The following ARMH3 variants were observed in gnomAD, a reference collection of about 807,000 sequenced individuals.
ARMH3 encodes armadillo like helical domain containing 3.
Under a neutral mutation model 99.1 loss-of-function variants are expected in ARMH3, and 60 were observed. The ratio of observed to expected loss-of-function variants is 0.61; its 90% confidence interval spans 0.49 to 0.75. The LOEUF (loss-of-function observed/expected upper bound fraction) is 0.75, where lower values mean the gene tolerates loss of function less well. ARMH3 is among the 30% of genes least tolerant of loss of function. ARMH3 has a pLI of 0.00. For synonymous variants in ARMH3, 285 were observed against 292.8 expected, an observed-to-expected ratio of 0.97 and a Z score of 0.27; for missense variants, 679 against 843.1, an observed-to-expected ratio of 0.81 and a Z score of 2.41.
At chr10:101,886,679 T>C (rs1047125323) in intron 24 of ARMH3, among the ~76,000 whole-genome samples, 1 of 152,118 alleles carries the variant, frequency 6.6e-6, no homozygotes, top group African/African-American at 2.4e-5. Context: ...TTGTTTAATA[T>C]GCAATAATGG....
At chr10:102,034,666 T>C (rs538383304) in intron 2 of ARMH3, among the ~76,000 whole-genome samples, 1 of 149,056 alleles carries the variant, frequency 6.7e-6, no homozygotes, top group Non-Finnish European at 1.5e-5. Flanking sequence ...AGAGAAGCCC[T>C]ACTTTAAAGA....
Position 101,957,693 on chromosome 10 carries a change from G to C in ARMH3, c.1535C>G (p.Thr512Ser), listed in dbSNP as rs979486590. ...AATGTTGTGTTTGGCCAAAAGTACAGTCTCATTTGACATAAGGAACTTCAG... is the reference window on the plus strand; with the variant it reads ...AATGTTGTGTTTGGCCAAAAGTACACTCTCATTTGACATAAGGAACTTCAG... Reference protein sequence around the residue: ...NLLKFLMSNETVLLAKHNIFT... With the variant: ...NLLKFLMSNESVLLAKHNIFT... The change falls in exon 21 of 26, where the codon ACT (threonine) becomes AGT (serine). Residue 512 changes from threonine to serine, a missense_variant. By Grantham distance (58) the Thr-to-Ser change is moderately conservative (BLOSUM62 1). This residue lies in a region of ARMH3 where 389 missense variants were observed against 456.5 expected (regional missense o/e 0.85). Transcript: ENST00000370033. 6 of 1,604,694 alleles carry C rather than the reference G, an allele frequency of 3.7e-6. No homozygotes were observed. The African/African-American group carries it at 8.2e-5, about 22-fold the overall frequency.
intron 4 of ARMH3, among the ~76,000 whole-genome samples, chr10:102,030,342 G>T (rs551487780): frequency 3.3e-4 from 50 of 152,264 alleles, no homozygotes; most frequent in African/African-American, 1.2e-3. Flanking sequence ...AAGCAGACTG[G>T]GAGGTGATAT....
intron 23 of ARMH3, among the ~76,000 whole-genome samples, chr10:101,915,120 T>C (rs969562294): frequency 2.2e-4 from 33 of 152,124 alleles, no homozygotes; most frequent in Admixed American, 1.3e-4. Context: ...GCTCCAATAG[T>C]AGACTTCATC....
chr10:101,899,112 CCTCT>C (rs1418136086), intron 23 of ARMH3, among the ~76,000 whole-genome samples: 3 of 152,196 alleles, frequency 2.0e-5, no homozygotes, highest in Non-Finnish European at 4.4e-5. Context: ...AAGAGACCAA[CCTCT>C]CTGAGTAGTA....
At chr10:101,996,434 C>A (rs1280262306) in intron 15 of ARMH3, among the ~76,000 whole-genome samples, 2 of 152,194 alleles carry the variant, frequency 1.3e-5, no homozygotes, top group Non-Finnish European at 2.9e-5. Context: ...ATACTCACAT[C>A]TCCTCAGAGA....
At position 102,033,096 on chromosome 10, in the gene ARMH3, T is replaced by C; in HGVS notation, c.236A>G (p.Asn79Ser). ...EELMKIKDNI[N>S]CLFQHCIQAL... ...CTGGATGCAGTGTTGGAATAAGCAA[T>C]TAATATTGTCCTTGATCTTCATTAA... is the stretch of plus-strand genomic sequence containing the variant. The change falls in exon 4 of 26, where the codon AAT (asparagine) becomes AGT (serine). Residue 79 changes from asparagine to serine, a missense_variant. Coordinates refer to ENST00000370033, the MANE Select transcript of ARMH3 (RefSeq NM_024541.3). 2 of 1,614,204 alleles carry C rather than the reference T, an allele frequency of 1.2e-6. No homozygotes were observed. Among genetic ancestry groups the C allele is most frequent in the Non-Finnish European group, 1.7e-6 (2 of 1,180,032 alleles).
In ARMH3 at chr10:102,006,637, A is replaced by T; in HGVS notation, c.955-4T>A. ...CCAAGCCCATTTCTGGATGGCTCTG[A>T]AAAAGATACACAGATGTGTAAGAAA... On this transcript the variant is annotated splice_region_variant and splice_polypyrimidine_tract_variant and intron_variant, in intron 13 of 25. Coordinates refer to ENST00000370033, the MANE Select transcript of ARMH3 (RefSeq NM_024541.3). 6.2e-7 allele frequency: 1 copy of T among 1,612,892 alleles called. No homozygotes were observed. Among genetic ancestry groups the T allele is most frequent in the Non-Finnish European group, 8.5e-7 (1 of 1,178,960 alleles).
chr10:101,961,567 A>G lies in ARMH3; in HGVS notation c.1496-3835T>C, dbSNP rs1845303690. On this transcript the variant is annotated intron_variant, in intron 20 of 25. Transcript: ENST00000370033. Reference sequence around the variant, plus strand: ...GGTTTATGCCAAAAAAGACAGGTTTAGGCCAAAGAAGAAAATGCCCTGTGT... The same window carrying G: ...GGTTTATGCCAAAAAAGACAGGTTTGGGCCAAAGAAGAAAATGCCCTGTGT... Among the ~76,000 whole-genome samples the G allele has an allele frequency of 3.3e-5, 5 of 152,326 alleles. No individual in the cohort carries two copies. The South Asian group carries it at 8.3e-4, about 25-fold the overall frequency.
chr10:101,987,303 G>A (rs1366397363), intron 19 of ARMH3, among the ~76,000 whole-genome samples: 4 of 152,078 alleles, frequency 2.6e-5, no homozygotes, highest in South Asian at 2.1e-4. Context: ...GGTCCCCTAC[G>A]TGGTATGTCC....
intron 24 of ARMH3, among the ~76,000 whole-genome samples, chr10:101,869,510 C>T (rs2067084925): frequency 6.6e-6 from 1 of 152,040 alleles, no homozygotes; most frequent in Non-Finnish European, 1.5e-5. Flanking sequence ...CTATATATCA[C>T]CAGAGAAATG....
intron 22 of ARMH3, among the ~76,000 whole-genome samples, chr10:101,944,285 G>T (rs1473799831): frequency 0.021 from 1,014 of 47,450 alleles, no homozygotes; most frequent in African/African-American, 0.047. Context: ...GAGAGAGAGA[G>T]AGAGAGAGAG....
intron 19 of ARMH3, among the ~76,000 whole-genome samples, chr10:101,978,457 A>G (rs1302295300): frequency 2.6e-5 from 4 of 152,218 alleles, no homozygotes; most frequent in Non-Finnish European, 5.9e-5. Flanking sequence ...TTAGATACAG[A>G]GCTACCACAT....
intron 8 of ARMH3, among the ~76,000 whole-genome samples, chr10:102,019,701 G>C (rs1347977424): frequency 6.6e-6 from 1 of 152,184 alleles, no homozygotes; most frequent in East Asian, 1.9e-4. Context: ...GCCGAGGCGG[G>C]CGGATCACAA....
intron 1 of ARMH3, among the ~76,000 whole-genome samples, chr10:102,055,787 A>G (rs1275443818): frequency 6.6e-6 from 1 of 152,204 alleles, no homozygotes; most frequent in Non-Finnish European, 1.5e-5. Context: ...CTCGGAAGCC[A>G]GAAGGCCCCG....
intron 19 of ARMH3, among the ~76,000 whole-genome samples, chr10:101,975,508 ATCATT>A (rs1845955788): frequency 6.6e-6 from 1 of 152,150 alleles, no homozygotes; most frequent in African/African-American, 2.4e-5. Context: ...AGGCAGGTAG[ATCATT>A]TGAGGCTAGG....
chr10:101,856,044 C>T (rs1229287749), intron 24 of ARMH3, among the ~76,000 whole-genome samples: 2 of 152,068 alleles, frequency 1.3e-5, no homozygotes, highest in African/African-American at 4.8e-5. Context: ...ACTTGGCCTT[C>T]AGAGACCAAA....
intron 13 of ARMH3, 46 bp downstream of exon 13, chr10:102,009,328 T>C (rs1025228407): frequency 6.5e-7 from 1 of 1,527,982 alleles, no homozygotes; most frequent in East Asian, 2.2e-5. Context: ...TTAATCGGTA[T>C]GAAATTTAGA....
At chr10:101,852,080 C>A (rs1299480249) in intron 24 of ARMH3, among the ~76,000 whole-genome samples, 1 of 152,238 alleles carries the variant, frequency 6.6e-6, no homozygotes, top group African/African-American at 2.4e-5. Context: ...TAGAGTAATA[C>A]ATGTTTTCCT....
Sources: gnomAD v4.1 joint callset for allele counts (sites outside exome capture counted in the v4.1 genomes callset) on GRCh38, gnomAD v4.1.1 for gene constraint, gnomAD v4.1.1 regional missense constraint, MANE v1.5 for transcripts, NCBI Gene and HGNC (gene_info 2026-07-23, HGNC 2026-07-21) for gene names.